Variants in MSH4 observed in about 807,000 individuals in gnomAD.
MSH4 encodes mutS homolog 4, also known as mutS protein homolog 4.
MSH4 carries 106 observed loss-of-function variants against 113.7 expected under a neutral mutation model. The observed-to-expected ratio is 0.93, with a 90% CI of 0.80 to 1.10. The LOEUF (loss-of-function observed/expected upper bound fraction) is 1.10. Ranked by LOEUF, MSH4 falls within the 50% of genes least tolerant of loss-of-function variation. MSH4 has a pLI of 0.00. For missense variants in MSH4, 1,061 were observed against 1,093.7 expected (o/e 0.97, Z 0.42); for synonymous variants, 368 against 380.2 (o/e 0.97, Z 0.37).
At chr1:75,822,220 C>T (rs1302833109) in intron 6 of MSH4, among the ~76,000 whole-genome samples, 189 bp from the exon 7 acceptor site, 3 of 142,284 alleles carry the variant, frequency 2.1e-5, no homozygotes, top group South Asian at 2.2e-4. Flanking sequence ...ACCTTGGAGG[C>T]GGAGCTTACA....
chr1:75,839,910 A>G (rs1462965416), intron 7 of MSH4, among the ~76,000 whole-genome samples: 4 of 143,192 alleles, frequency 2.8e-5, no homozygotes, highest in South Asian at 2.4e-4. Context: ...CAAAAAACAC[A>G]TGAAAAAATG....
At position 75,912,771 on chromosome 1, in the gene MSH4, G is replaced by T. The variant is rs1461022642; in HGVS notation, c.2695G>T (p.Ala899Ser). ...YHLATRLVQT[A>S]RNSQLDPDSL... ...TCTAGCCACTAGGCTTGTTCAAACT[G>T]CTCGAAACTCTCAATTGGATCCAGA... is the stretch of plus-strand genomic sequence containing the variant. The change falls in exon 20 of 20, where the codon GCT (alanine) becomes TCT (serine). Residue 899 changes from alanine to serine, a missense_variant. Ala to Ser is a moderately conservative substitution (Grantham distance 99). Transcript: ENST00000263187. The T allele has an allele frequency of 6.3e-7, 1 of 1,595,446 alleles. No homozygotes were observed. Among genetic ancestry groups the T allele is most frequent in the Admixed American group, 1.7e-5 (1 of 57,144 alleles).
chr1:75,797,456 C>G (rs1320754371), intron 1 of MSH4, among the ~76,000 whole-genome samples: 4 of 152,142 alleles, frequency 2.6e-5, no homozygotes, highest in African/African-American at 9.7e-5. Context: ...CTGAGAAAGG[C>G]TGAAGTATCC....
intron 7 of MSH4, among the ~76,000 whole-genome samples, chr1:75,836,325 G>A (rs1223712339): frequency 8.2e-6 from 1 of 121,670 alleles, no homozygotes; most frequent in South Asian, 2.6e-4. Flanking sequence ...TTGAGACAAG[G>A]TCTCATTCTG....
chr1:75,911,674 G>C (rs1652789632), intron 19 of MSH4, among the ~76,000 whole-genome samples: 4 of 152,036 alleles, frequency 2.6e-5, no homozygotes, highest in Admixed American at 2.6e-4. Context: ...CTGGAACATA[G>C]ATGATAGTAG....
At chr1:75,833,503 G>A (rs1427942659) in intron 7 of MSH4, among the ~76,000 whole-genome samples, 1 of 152,092 alleles carries the variant, frequency 6.6e-6, no homozygotes, top group Non-Finnish European at 1.5e-5. Context: ...AAAGAACAAA[G>A]ATGGAGGCAT....
chr1:75,855,925 A>T (rs1651305683), intron 8 of MSH4, among the ~76,000 whole-genome samples: 1 of 152,208 alleles, frequency 6.6e-6, no homozygotes, highest in African/African-American at 2.4e-5. Flanking sequence ...ATTATACCTG[A>T]CAGCAATCTC....
Position 75,880,053 on chromosome 1 carries a change from T to G in MSH4, c.1681T>G (p.Ser561Ala), listed in dbSNP as rs753481255. The G allele has an allele frequency of 5.9e-6, 9 of 1,530,018 alleles. No individual in the cohort carries two copies. The highest frequency in any genetic ancestry group is 6.3e-6 in the Non-Finnish European group (7 of 1,110,954). The allele number at this position is 1,530,018 out of a possible 1,614,324, so 94.8% of individuals were successfully genotyped here. A position where few individuals can be genotyped will look rare whatever the true frequency, so the allele number is the denominator to read the frequency against. The change falls in exon 13 of 20, where the codon TCT becomes GCT. Residue 561 changes from serine (S) to alanine (A), a missense_variant. By Grantham distance (99) the Ser-to-Ala change is moderately conservative (BLOSUM62 1). Transcript: ENST00000263187. ...DQLPSEFIKI[S>A]KVKNSYSFTS... ...TTGTTTTTTAATCTCCAAGCAGATT[T>G]CTAAAGTGAAAAATTCTTACAGCTT...
Position 75,822,399 on chromosome 1 carries a change from G to A in MSH4, c.990-10G>A. On this transcript the variant is annotated splice_polypyrimidine_tract_variant and intron_variant, in intron 6 of 19. Coordinates refer to ENST00000263187, the MANE Select transcript of MSH4 (RefSeq NM_002440.4). ...TTGTATTCTTACTGACATTTCTTGTGTTTTGAAAGGAATAATCACACTCTC... is the reference window on the plus strand; with the variant it reads ...TTGTATTCTTACTGACATTTCTTGTATTTTGAAAGGAATAATCACACTCTC... 1 of 1,520,270 alleles carries A rather than the reference G, an allele frequency of 6.6e-7. No individual in the cohort carries two copies. Among genetic ancestry groups the A allele is most frequent in the Non-Finnish European group, 8.8e-7 (1 of 1,138,456 alleles). 94.2% of individuals were successfully genotyped at this position (1,520,270 alleles called of 1,614,324 possible).
chr1:75,805,360 A>AT (rs982211156), intron 2 of MSH4, among the ~76,000 whole-genome samples: 2 of 140,942 alleles, frequency 1.4e-5, no homozygotes, highest in Non-Finnish European at 1.5e-5. Flanking sequence ...TACCTTTTTT[A>AT]TTTTTTTTAA....
intron 19 of MSH4, among the ~76,000 whole-genome samples, chr1:75,901,002 T>C (rs1485806337): frequency 2.0e-5 from 3 of 152,160 alleles, no homozygotes; most frequent in Non-Finnish European, 4.4e-5. Context: ...AGTTGAATAT[T>C]TTACTGGATA....
At chr1:75,910,208 TC>T (rs1254854631) in intron 19 of MSH4, among the ~76,000 whole-genome samples, 5 of 152,134 alleles carry the variant, frequency 3.3e-5, no homozygotes, top group Admixed American at 2.6e-4. Context: ...GTCATCACTC[TC>T]CCCAAAGTTT....
At position 75,800,481 on chromosome 1, in the gene MSH4, A is replaced by T. The variant is rs76280907; in HGVS notation, c.245-3250A>T. 2.2e-3 allele frequency among the ~76,000 whole-genome samples: 330 copies of T among 152,304 alleles called. 4 individuals carry two copies. The East Asian group carries it at 0.044, about 20-fold the overall frequency. ...TCGAAGAATAGATTAGAGAGGTGTA[A>T]TACTGGAAGCAAGGAGAAGAAGAAG... On this transcript the variant is annotated intron_variant, in intron 1 of 19. Transcript: ENST00000263187.
intron 15 of MSH4, among the ~76,000 whole-genome samples, chr1:75,888,543 T>C (rs1050432212): frequency 1.0e-3 from 157 of 152,036 alleles, no homozygotes; most frequent in African/African-American, 3.6e-3. Context: ...GATATTTCTT[T>C]ATATCTTTTT....
chr1:75,901,519 A>T (rs1652505370), intron 19 of MSH4, among the ~76,000 whole-genome samples: 1 of 152,180 alleles, frequency 6.6e-6, no homozygotes, highest in Non-Finnish European at 1.5e-5. Context: ...ATAATATTCC[A>T]TTGTGTATAT....
rs771826910 is a variant in MSH4 at position 75,883,755 on chromosome 1, C to T, written c.2041C>T (p.Pro681Ser). 1.2e-5 allele frequency: 20 copies of T among 1,613,210 alleles called. No homozygotes were observed. In the South Asian group the frequency reaches 2.1e-4, roughly 17 times the overall value. The change falls in exon 15 of 20, where the codon CCA (proline) becomes TCA (serine). Residue 681 changes from proline (P) to serine (S), a missense_variant. Pro to Ser is a moderately conservative substitution (Grantham distance 74). Coordinates refer to ENST00000263187, the MANE Select transcript of MSH4 (RefSeq NM_002440.4). The part of the protein sequence containing the change: ...EGSNFLIITG[P>S]NMSGKSTYLK... Reference sequence around the variant, plus strand: ...GAGTAATTTTTTGATCATAACTGGACCAAACATGAGTGGAAAATCCACATA... The same window carrying T: ...GAGTAATTTTTTGATCATAACTGGATCAAACATGAGTGGAAAATCCACATA...
At chr1:75,823,108 C>T (rs546809427) in intron 7 of MSH4, among the ~76,000 whole-genome samples, 2 of 152,036 alleles carry the variant, frequency 1.3e-5, no homozygotes, top group African/African-American at 2.4e-5. Flanking sequence ...TTTTGGTGGT[C>T]GCTGTCAGTC....
chr1:75,817,689 CT>C (rs1650321996), intron 6 of MSH4, among the ~76,000 whole-genome samples: 1 of 152,234 alleles, frequency 6.6e-6, no homozygotes, highest in Admixed American at 6.5e-5. Flanking sequence ...AGCTCCAATG[CT>C]TCCATAGGCT....
chr1:75,903,271 A>G (rs185181957), intron 19 of MSH4, among the ~76,000 whole-genome samples: 2 of 152,068 alleles, frequency 1.3e-5, no homozygotes, highest in East Asian at 1.9e-4. Flanking sequence ...ATAGTTATCT[A>G]TTTTTCCCAG....
Sources: allele counts gnomAD v4.1 joint callset (sites outside exome capture counted in the v4.1 genomes callset), GRCh38; gene constraint gnomAD v4.1.1; transcripts MANE v1.5; gene names NCBI Gene and HGNC (gene_info 2026-07-23, HGNC 2026-07-21).